The following GRIK1 variants were observed in gnomAD, a reference collection of about 807,000 sequenced individuals.
GRIK1 encodes glutamate receptor ionotropic, kainate 1.
Under a neutral mutation model 105.7 loss-of-function variants are expected in GRIK1, and 69 were observed. That is an observed-to-expected ratio of 0.65 (90% CI 0.54 to 0.80). GRIK1 has a LOEUF of 0.80. Among genes scored for constraint, GRIK1 ranks in the 30% least tolerant of loss-of-function variants. The pLI is 0.00. For synonymous variants in GRIK1, 438 were observed against 431.3 expected, an observed-to-expected ratio of 1.02 and a Z score of -0.19; for missense variants, 1,109 against 1,167.3, an observed-to-expected ratio of 0.95 and a Z score of 0.73.
chr21:29,718,686 A>G (rs2064239636), intron 1 of GRIK1, among the ~76,000 whole-genome samples: 1 of 152,194 alleles, frequency 6.6e-6, no homozygotes, highest in Admixed American at 6.5e-5. Context: ...GGTGCACAGG[A>G]GCCCTTGACA....
chr21:29,697,022 T>C (rs1036231452), intron 1 of GRIK1, among the ~76,000 whole-genome samples: 2 of 151,494 alleles, frequency 1.3e-5, no homozygotes, highest in African/African-American at 2.4e-5. Flanking sequence ...AATGAAAAAG[T>C]GAACAAGAAG....
At position 29,807,618 on chromosome 21, in the gene GRIK1, T is replaced by C. The variant is rs185442651; in HGVS notation, c.119-113555A>G. On this transcript the variant is annotated intron_variant, in intron 1 of 17. Coordinates refer to ENST00000327783, the MANE Select transcript of GRIK1 (RefSeq NM_001330994.2). Reference sequence around the variant, plus strand: ...GTGACATTCTTTAAAGAATAATTTTTAAAATCTATAATTATAAAAAAACAT... The same window carrying C: ...GTGACATTCTTTAAAGAATAATTTTCAAAATCTATAATTATAAAAAAACAT... Among the ~76,000 whole-genome samples, 9 of 152,192 alleles carry C rather than the reference T, an allele frequency of 5.9e-5. No individual in the cohort carries two copies. The East Asian group carries it at 1.7e-3, about 29-fold the overall frequency.
intron 16 of GRIK1, among the ~76,000 whole-genome samples, chr21:29,551,935 A>G (rs1182087994): frequency 2.0e-5 from 3 of 152,150 alleles, no homozygotes; most frequent in Non-Finnish European, 2.9e-5. Flanking sequence ...CTGACCTGGG[A>G]CAAATAGTAT....
At chr21:29,712,984 A>G (rs535154620) in intron 1 of GRIK1, among the ~76,000 whole-genome samples, 8 of 151,706 alleles carry the variant, frequency 5.3e-5, no homozygotes, top group African/African-American at 1.7e-4. Context: ...TTGTGATGCT[A>G]TGTTGACAGC....
At chr21:29,553,008 T>A (rs2090160937) in intron 16 of GRIK1, among the ~76,000 whole-genome samples, 1 of 152,080 alleles carries the variant, frequency 6.6e-6, no homozygotes, top group Non-Finnish European at 1.5e-5. Flanking sequence ...AGTCTTTGTG[T>A]AAATAATACA....
At chr21:29,712,328 G>A (rs755607350) in intron 1 of GRIK1, among the ~76,000 whole-genome samples, 54 of 151,788 alleles carry the variant, frequency 3.6e-4, no homozygotes, top group Non-Finnish European at 4.9e-4. Flanking sequence ...TAAAAATAAC[G>A]TTTCAATGAA....
intron 7 of GRIK1, among the ~76,000 whole-genome samples, chr21:29,615,444 G>A (rs1418718122): frequency 6.6e-6 from 1 of 152,034 alleles, no homozygotes; most frequent in African/African-American, 2.4e-5. Context: ...CAAGTAGCTG[G>A]GATTACAGGC....
At chr21:29,638,705 GTTCAT>G (rs1193217744) in intron 7 of GRIK1, among the ~76,000 whole-genome samples, 6 of 152,152 alleles carry the variant, frequency 3.9e-5, no homozygotes, top group Non-Finnish European at 8.8e-5. Context: ...TTTTCTGTAA[GTTCAT>G]TTCAAGAAAA....
intron 1 of GRIK1, among the ~76,000 whole-genome samples, chr21:29,899,951 C>A (rs755686141): frequency 6.6e-6 from 1 of 152,070 alleles, no homozygotes; most frequent in East Asian, 1.9e-4. Context: ...TCCTTAACTA[C>A]CTTCTATGTA....
At chr21:29,826,394 A>T (rs1396460313) in intron 1 of GRIK1, among the ~76,000 whole-genome samples, 1 of 152,126 alleles carries the variant, frequency 6.6e-6, no homozygotes, top group Non-Finnish European at 1.5e-5. Flanking sequence ...GTTTTCAGAT[A>T]AGATTGACAT....
rs574860536 is a variant in GRIK1 at position 29,826,108 on chromosome 21, C to T, written c.118+113275G>A. On this transcript the variant is annotated intron_variant, in intron 1 of 17. Coordinates refer to ENST00000327783, the MANE Select transcript of GRIK1 (RefSeq NM_001330994.2). The stretch of plus-strand genomic sequence containing the variant: ...TCCTGCCCTCTGCACACACTTTTCT[C>T]TCTTCCTCATAACAAAATTCCTGGG... Among the ~76,000 whole-genome samples the T allele has an allele frequency of 1.3e-4, 20 of 152,234 alleles. No individual in the cohort carries two copies. In the South Asian group the frequency reaches 3.9e-3, roughly 30 times the overall value.
At chr21:29,709,505 T>A (rs1290136369) in intron 1 of GRIK1, among the ~76,000 whole-genome samples, 1 of 152,100 alleles carries the variant, frequency 6.6e-6, no homozygotes, top group Non-Finnish European at 1.5e-5. Context: ...GGTCTCGAAC[T>A]CCTGACCTCA....
intron 4 of GRIK1, among the ~76,000 whole-genome samples, chr21:29,659,690 G>T (rs2062923842): frequency 6.6e-6 from 1 of 152,196 alleles, no homozygotes; most frequent in Non-Finnish European, 1.5e-5. Context: ...GCCAGGCGCG[G>T]TGGCTCACGC....
chr21:29,807,960 G>C (rs1370520443), intron 1 of GRIK1, among the ~76,000 whole-genome samples: 1 of 152,066 alleles, frequency 6.6e-6, no homozygotes, highest in African/African-American at 2.4e-5. Context: ...GAGGGGCTTG[G>C]TGAAGTGCAG....
rs374273083 is a variant in GRIK1 at position 29,896,777 on chromosome 21, G to T, written c.118+42606C>A. 2.0e-3 allele frequency among the ~76,000 whole-genome samples: 308 copies of T among 152,238 alleles called. 2 individuals are homozygous for T. The highest frequency in any genetic ancestry group is 7.0e-3 in the African/African-American group (291 of 41,532). On this transcript the variant is annotated intron_variant, in intron 1 of 17. Transcript: ENST00000327783. ...ATTAGCTACTTGGGTCACTATTGGT[G>T]ATGTGGTGGCTGCCTCGGAATCAAC...
At chr21:29,712,613 G>A (rs2146822153) in intron 1 of GRIK1, among the ~76,000 whole-genome samples, 1 of 152,184 alleles carries the variant, frequency 6.6e-6, no homozygotes, top group African/African-American at 2.4e-5. Flanking sequence ...ATATTACATT[G>A]ATTATTAATG....
chr21:29,767,355 A>G (rs1217110526), intron 1 of GRIK1, among the ~76,000 whole-genome samples: 1 of 152,186 alleles, frequency 6.6e-6, no homozygotes, highest in African/African-American at 2.4e-5. Context: ...GGGATCTGCA[A>G]TAATAATGGA....
intron 1 of GRIK1, among the ~76,000 whole-genome samples, chr21:29,856,351 T>C (rs1333325708): frequency 2.0e-5 from 3 of 152,184 alleles, no homozygotes; most frequent in Non-Finnish European, 2.9e-5. Context: ...TAGCCAATTA[T>C]GTTGAAAACT....
intron 4 of GRIK1, among the ~76,000 whole-genome samples, chr21:29,661,386 T>A (rs1351503315): frequency 6.6e-6 from 1 of 152,184 alleles, no homozygotes; most frequent in African/African-American, 2.4e-5. Context: ...ATGGGGAGAT[T>A]TCTCTGAATT....
Sources: gnomAD v4.1 joint callset for allele counts (sites outside exome capture counted in the v4.1 genomes callset) on GRCh38, gnomAD v4.1.1 for gene constraint, MANE v1.5 for transcripts, NCBI Gene and HGNC (gene_info 2026-07-23, HGNC 2026-07-21) for gene names.